PAH: variants seen among roughly 807,000 people sequenced by gnomAD.
The protein encoded by PAH is phenylalanine-4-hydroxylase.
Under a neutral mutation model 62.0 loss-of-function variants are expected in PAH, and 64 were observed. The observed-to-expected ratio is 1.03, with a 90% CI of 0.84 to 1.27. The LOEUF is 1.27. Ranked by LOEUF, PAH falls within the 50% of genes most tolerant of loss-of-function variation. The pLI is 0.00. For synonymous variants in PAH, 195 were observed against 196.2 expected, an observed-to-expected ratio of 0.99 and a Z score of 0.05; for missense variants, 579 against 542.8, an observed-to-expected ratio of 1.07 and a Z score of -0.66.
chr12:102,849,734 T>C (rs1875064529), intron 8 of PAH, among the ~76,000 whole-genome samples: 1 of 152,218 alleles, frequency 6.6e-6, no homozygotes. Flanking sequence ...TGGCGCCTTG[T>C]TCTCTTAGTC....
At chr12:102,854,447 T>G (rs1407145850) in intron 6 of PAH, among the ~76,000 whole-genome samples, 4 of 152,234 alleles carry the variant, frequency 2.6e-5, no homozygotes, top group Non-Finnish European at 5.9e-5. Context: ...CCATTTCACC[T>G]GGATATACTG....
chr12:102,928,473 A>G (rs577104409), intron 1 of PAH, among the ~76,000 whole-genome samples: 1 of 152,124 alleles, frequency 6.6e-6, no homozygotes, highest in Non-Finnish European at 1.5e-5. Flanking sequence ...AGTCCCCATT[A>G]TCTTTTCCCT....
At chr12:102,938,616 C>T (rs1466098731) in intron 1 of PAH, among the ~76,000 whole-genome samples, 1 of 152,128 alleles carries the variant, frequency 6.6e-6, no homozygotes, top group Non-Finnish European at 1.5e-5. Flanking sequence ...AGCATTTGGG[C>T]CAGTAGCAGC....
chr12:102,924,074 T>A (rs1199926113), intron 1 of PAH, among the ~76,000 whole-genome samples: 1 of 152,166 alleles, frequency 6.6e-6, no homozygotes, highest in Non-Finnish European at 1.5e-5. Context: ...CACCCTAACT[T>A]GGTATAAGGT....
At chr12:102,892,642 T>C (rs1237221996) in intron 3 of PAH, among the ~76,000 whole-genome samples, 4 of 152,140 alleles carry the variant, frequency 2.6e-5, no homozygotes, top group Non-Finnish European at 5.9e-5. Context: ...CAGAAAGACA[T>C]GGAGGATTTG....
At chr12:102,952,938 A>G (rs1022837678), upstream of PAH, among the ~76,000 whole-genome samples, 5 of 152,230 alleles carry the variant, frequency 3.3e-5, no homozygotes, top group African/African-American at 9.6e-5. Context: ...TGCAGAGTCA[A>G]TGCAGGCTGG....
intron 3 of PAH, among the ~76,000 whole-genome samples, chr12:102,878,022 T>C (rs1357949943): frequency 6.6e-6 from 1 of 152,198 alleles, no homozygotes; most frequent in Non-Finnish European, 1.5e-5. Flanking sequence ...GGCAGAGTTC[T>C]ACCATGTTGA....
intron 2 of PAH, among the ~76,000 whole-genome samples, chr12:102,900,272 A>G (rs113772831): frequency 5.9e-4 from 89 of 152,014 alleles, no homozygotes; most frequent in African/African-American, 2.1e-3. Flanking sequence ...GATGGTCTTG[A>G]TCTCCTGACT....
At chr12:102,875,958 G>GAGAA (rs397790832) in intron 4 of PAH, among the ~76,000 whole-genome samples, 1 of 149,844 alleles carries the variant, frequency 6.7e-6, no homozygotes, top group Non-Finnish European at 1.5e-5. Flanking sequence ...TATAGACAGA[G>GAGAA]CGAGAAAGGA....
At chr12:102,925,043 G>A (rs565142193) in intron 1 of PAH, among the ~76,000 whole-genome samples, 47 of 152,184 alleles carry the variant, frequency 3.1e-4, no homozygotes, top group African/African-American at 9.6e-4. Flanking sequence ...TCCTTCTTTC[G>A]CATGGAAATG....
chr12:102,915,061 G>C (rs1314758190), intron 1 of PAH: 1 of 152,168 alleles, frequency 6.6e-6, no homozygotes, highest in Non-Finnish European at 1.5e-5. Context: ...AATCTCTGGA[G>C]GCCCACCTAC....
intron 9 of PAH, among the ~76,000 whole-genome samples, chr12:102,846,580 C>T (rs1260881897): frequency 6.6e-6 from 1 of 152,208 alleles, no homozygotes; most frequent in East Asian, 1.9e-4. Flanking sequence ...ATGTTCAAAG[C>T]TCTGGATCCA....
chr12:102,928,134 G>A (rs79415051), intron 1 of PAH, among the ~76,000 whole-genome samples: 4,959 of 152,060 alleles, frequency 0.033, 267 homozygotes, highest in African/African-American at 0.11. Flanking sequence ...AATGAGATAC[G>A]CTTTTATTTT....
intron 1 of PAH, among the ~76,000 whole-genome samples, chr12:102,935,124 C>T (rs1215078468): frequency 6.6e-6 from 1 of 151,640 alleles, no homozygotes; most frequent in African/African-American, 2.4e-5. Flanking sequence ...GAATTTTATC[C>T]AATGCTTTTT....
intron 5 of PAH, among the ~76,000 whole-genome samples, chr12:102,858,929 C>G (rs1226676391): frequency 6.6e-6 from 1 of 152,024 alleles, no homozygotes; most frequent in Non-Finnish European, 1.5e-5. Context: ...GAAGCAAGAA[C>G]AAACACATTC....
chr12:102,923,761 G>A (rs1878614364), intron 1 of PAH, among the ~76,000 whole-genome samples: 1 of 152,070 alleles, frequency 6.6e-6, no homozygotes, highest in Admixed American at 6.5e-5. Flanking sequence ...TACCTGTCTT[G>A]GGGATTTCCC....
At chr12:102,916,992 A>G (rs1878407045) in intron 1 of PAH, 79 bp downstream of exon 1, 1 of 1,266,002 alleles carries the variant, frequency 7.9e-7, no homozygotes, top group African/African-American at 1.5e-5. Context: ...TGAAACCAGG[A>G]AGCACCAGCA....
At chr12:102,844,500 G>T in intron 9 of PAH, 69 bp from the exon 10 acceptor site, 1 of 1,003,864 alleles carries the variant, frequency 1.0e-6, no homozygotes, top group Non-Finnish European at 1.6e-6. Context: ...TTGACTGGAT[G>T]AAGGGATACC....
At chr12:102,909,603 A>G (rs1346489657) in intron 2 of PAH, among the ~76,000 whole-genome samples, 2 of 152,242 alleles carry the variant, frequency 1.3e-5, no homozygotes, top group Admixed American at 1.3e-4. Flanking sequence ...TAGGAGATCT[A>G]TCTTTTCTCT....
Sources: allele counts gnomAD v4.1 joint callset (sites outside exome capture counted in the v4.1 genomes callset), GRCh38; gene constraint gnomAD v4.1.1; transcripts MANE v1.5; gene names NCBI Gene and HGNC (gene_info 2026-07-23, HGNC 2026-07-21).